The following TBC1D5 variants were observed in gnomAD, a reference collection of about 807,000 sequenced individuals.
The protein encoded by TBC1D5 is TBC1 domain family member 5.
TBC1D5 carries 75 observed loss-of-function variants against 100.3 expected under a neutral mutation model. That is an observed-to-expected ratio of 0.75 (90% CI 0.62 to 0.91). The LOEUF (loss-of-function observed/expected upper bound fraction) is 0.91. Among genes scored for constraint, TBC1D5 ranks in the 40% least tolerant of loss-of-function variants. TBC1D5 has a pLI of 0.00. For missense variants in TBC1D5, 910 were observed against 942.4 expected (o/e 0.97, Z 0.45); for synonymous variants, 323 against 325.6 (o/e 0.99, Z 0.09).
intron 17 of TBC1D5, among the ~76,000 whole-genome samples, chr3:17,229,871 A>G (rs2075266406): frequency 6.6e-6 from 1 of 152,198 alleles, no homozygotes; most frequent in South Asian, 2.1e-4. Context: ...AAATGGAATG[A>G]GGCCTTTTGA....
At chr3:17,283,199 G>A (rs1044504875) in intron 15 of TBC1D5, among the ~76,000 whole-genome samples, 1 of 152,194 alleles carries the variant, frequency 6.6e-6, no homozygotes, top group African/African-American at 2.4e-5. Flanking sequence ...ACTGAATCTT[G>A]CTAAAATAGA....
intron 13 of TBC1D5, among the ~76,000 whole-genome samples, chr3:17,345,269 A>C (rs1464030631): frequency 3.3e-5 from 5 of 152,014 alleles, no homozygotes; most frequent in African/African-American, 1.2e-4. Flanking sequence ...GGATATGAAC[A>C]GACACTTTCC....
chr3:17,202,223 T>C (rs574312873), intron 18 of TBC1D5, among the ~76,000 whole-genome samples: 2 of 152,338 alleles, frequency 1.3e-5, no homozygotes, highest in African/African-American at 4.8e-5. Flanking sequence ...GCCCCTGCTC[T>C]AGGGATCTGT....
rs139943196 is a variant in TBC1D5, at chr3:17,443,052, A to G, written c.98-14533T>C. ...ATTCAAAATGTTCAAGACACAGTCT[A>G]AAATTACTTGCTATATCAAGAACCA... On this transcript the variant is annotated intron_variant, in intron 3 of 21. Transcript: ENST00000253692. Among the ~76,000 whole-genome samples, 970 of 152,346 alleles carry G rather than the reference A, an allele frequency of 6.4e-3. 7 individuals are homozygous for G. The highest frequency in any genetic ancestry group is 0.022 in the African/African-American group (928 of 41,572).
chr3:17,441,503 C>T (rs2094655635), intron 3 of TBC1D5, among the ~76,000 whole-genome samples: 1 of 152,140 alleles, frequency 6.6e-6, no homozygotes, highest in South Asian at 2.1e-4. Flanking sequence ...AAAGGCACTA[C>T]TACAGAAGCC....
Position 17,326,897 on chromosome 3 carries a change from A to G in TBC1D5, c.996-18763T>C, listed in dbSNP as rs558620238. ...CCCTCTAGTTGCTCAGGAGCCAAAA[A>G]CCTTGGAGTCTTCATTGATTTCCCT... On this transcript the variant is annotated intron_variant, in intron 13 of 21. Coordinates refer to ENST00000253692, the Ensembl canonical transcript of TBC1D5. 2.5e-4 allele frequency among the ~76,000 whole-genome samples: 38 copies of G among 152,284 alleles called. 1 individual carries two copies. The highest frequency in any genetic ancestry group is 2.1e-3 in the South Asian group (10 of 4,824).
intron 1 of TBC1D5, chr3:17,644,038 T>C (rs1297804521): frequency 6.6e-6 from 1 of 152,102 alleles, no homozygotes; most frequent in African/African-American, 2.4e-5. Context: ...CATAAAATTA[T>C]ACCAGTAAGG....
intron 3 of TBC1D5, chr3:17,465,000 ACTT>A (rs1366985444): frequency 6.6e-6 from 1 of 152,034 alleles, no homozygotes; most frequent in Non-Finnish European, 1.5e-5. Flanking sequence ...AGCAATGACC[ACTT>A]CTTCTCTACT....
At chr3:17,427,349 A>G (rs75066783) in intron 4 of TBC1D5, among the ~76,000 whole-genome samples, 28,575 of 151,928 alleles carry the variant, frequency 0.19, 3,172 homozygotes, top group East Asian at 0.5. Flanking sequence ...TGAAATTCAT[A>G]AACAAATTGT....
intron 3 of TBC1D5, among the ~76,000 whole-genome samples, chr3:17,442,386 T>C (rs2094683646): frequency 6.6e-6 from 1 of 152,226 alleles, no homozygotes; most frequent in African/African-American, 2.4e-5. Flanking sequence ...TTCCCTGTTG[T>C]GCAGACAGTG....
Position 17,337,123 on chromosome 3 carries a change from G to GTTT in TBC1D5, c.996-28992_996-28990dup, listed in dbSNP as rs11328091. Among the ~76,000 whole-genome samples the GTTT allele has an allele frequency of 6.5e-3, 753 of 116,090 alleles. 18 individuals carry two copies. Among genetic ancestry groups the GTTT allele is most frequent in the African/African-American group, 0.022 (616 of 28,448 alleles). The allele number at this position is 116,090 out of a possible 152,430, so 76.2% of individuals were successfully genotyped here. A position where few individuals can be genotyped will look rare whatever the true frequency, so the allele number is the denominator to read the frequency against. On this transcript the variant is annotated intron_variant, in intron 13 of 21. Transcript: ENST00000253692. ...AGCTTGCACCAAAATTATCTGAGAGGTTTTTTTTTTTTTTTTTTTTTTAAG... is the reference window on the plus strand; with the variant it reads ...AGCTTGCACCAAAATTATCTGAGAGGTTTTTTTTTTTTTTTTTTTTTTTTTAAG...
intron 2 of TBC1D5, chr3:17,586,576 A>G (rs539393415): frequency 6.6e-6 from 1 of 152,164 alleles, no homozygotes; most frequent in African/African-American, 2.4e-5. Context: ...ATAAATAAAT[A>G]AAATAGCTGC....
rs546336455 is a variant in TBC1D5, at chr3:17,494,699, A to C, written c.97+13775T>G. Among the ~76,000 whole-genome samples the C allele has an allele frequency of 4.1e-4, 62 of 152,282 alleles. 2 individuals are homozygous for C. The highest frequency in any genetic ancestry group is 3.4e-3 in the Middle Eastern group (1 of 294). On this transcript the variant is annotated intron_variant, in intron 3 of 21. Transcript: ENST00000253692. Reference sequence around the variant, plus strand: ...CTGTGCTGTGCTGTGCTGGGCTGTGAGGAATTCCTCCTAGCCCGAACCCAG... The same window carrying C: ...CTGTGCTGTGCTGTGCTGGGCTGTGCGGAATTCCTCCTAGCCCGAACCCAG...
At chr3:17,315,717 A>G (rs1307794391) in intron 13 of TBC1D5, among the ~76,000 whole-genome samples, 1 of 151,914 alleles carries the variant, frequency 6.6e-6, no homozygotes, top group African/African-American at 2.4e-5. Flanking sequence ...ATAAATGAAG[A>G]CCCCCCAAAT....
intron 1 of TBC1D5, among the ~76,000 whole-genome samples, chr3:17,718,118 C>T (rs1374026456): frequency 2.6e-5 from 4 of 152,192 alleles, no homozygotes; most frequent in Non-Finnish European, 4.4e-5. Context: ...TCTGACTACT[C>T]CCCTGGCCAC....
intron 1 of TBC1D5, among the ~76,000 whole-genome samples, chr3:17,624,942 T>C (rs141637278): frequency 6.6e-6 from 1 of 152,158 alleles, no homozygotes; most frequent in Admixed American, 6.5e-5. Flanking sequence ...TAAACAAATA[T>C]ACTCTTAATA....
rs188422071 is a variant in TBC1D5, at chr3:17,431,673, T to C, written c.98-3154A>G. 2.8e-3 allele frequency among the ~76,000 whole-genome samples: 421 copies of C among 152,132 alleles called. 4 individuals carry two copies. Among genetic ancestry groups the C allele is most frequent in the East Asian group, 6.2e-3 (32 of 5,186 alleles). ...GTTCATAATATTCAATGAAAATAAA[T>C]TGCTGATTTGCAAAAATATGCTGAT... is the stretch of plus-strand genomic sequence containing the variant. On this transcript the variant is annotated intron_variant, in intron 3 of 21. Coordinates refer to ENST00000253692, the Ensembl canonical transcript of TBC1D5.
At chr3:17,517,535 T>C in intron 2 of TBC1D5, among the ~76,000 whole-genome samples, 1 of 152,236 alleles carries the variant, frequency 6.6e-6, no homozygotes, top group East Asian at 1.9e-4. Flanking sequence ...AGGCAATGAT[T>C]ATGATTAATC....
At position 17,161,184 on chromosome 3, in the gene TBC1D5, C is replaced by CATCA; in HGVS notation, c.2163_2166dup (p.Asp723Ter). 6 of 1,614,204 alleles carry CATCA rather than the reference C, an allele frequency of 3.7e-6. No homozygotes were observed. The highest frequency in any genetic ancestry group is 5.1e-6 in the Non-Finnish European group (6 of 1,180,042). ...AAGGAGCCCCTGGCACTGCTCCCAT[C>CATCA]ATCATCTTTGGAAATCAGGATGAAG... On this transcript the variant is annotated stop_gained and frameshift_variant, in exon 22 of 22. Transcript: ENST00000253692. LOFTEE classifies it high-confidence loss of function.
Sources: gnomAD v4.1 joint callset for allele counts (sites outside exome capture counted in the v4.1 genomes callset) on GRCh38, gnomAD v4.1.1 for gene constraint, MANE v1.5 for transcripts, NCBI Gene and HGNC (gene_info 2026-07-23, HGNC 2026-07-21) for gene names.